PLET1: variants seen among roughly 807,000 people sequenced by gnomAD.
PLET1 encodes the protein placenta expressed transcript 1, also known as placenta-expressed transcript 1 protein.
Under a neutral mutation model 18.5 loss-of-function variants are expected in PLET1, and 20 were observed. The ratio of observed to expected loss-of-function variants is 1.08; its 90% CI spans 0.76 to 1.57. The LOEUF is 1.57. Ranked by LOEUF, PLET1 falls within the 40% of genes most tolerant of loss-of-function variation. PLET1 has a pLI of 0.00. For synonymous variants in PLET1, 93 were observed against 93.8 expected (o/e 0.99, Z 0.05); for missense variants, 256 against 246.4 (o/e 1.04, Z -0.26).
In PLET1 at chr11:112,260,457, GGGTTAT is replaced by G; in HGVS notation, c.127_132del (p.Ile43_Thr44del). The G allele has an allele frequency of 6.4e-7, 1 of 1,551,808 alleles. No homozygotes were observed. The highest frequency in any genetic ancestry group is 8.7e-7 in the Non-Finnish European group (1 of 1,146,992). On this transcript the variant is annotated inframe_deletion, in exon 1 of 4. Coordinates refer to ENST00000338832, the MANE Select transcript of PLET1 (RefSeq NM_001145024.1). ...ATATGTGAACTGGCCTTGATGTCTA[GGGTTAT>G]GGTGTAGTATTCATCAAAGGTGAAG...
At chr11:112,254,638 GGT>G (rs149956623) in intron 2 of PLET1, among the ~76,000 whole-genome samples, 2 of 133,748 alleles carry the variant, frequency 1.5e-5, no homozygotes, top group African/African-American at 3.1e-5. Context: ...GAGTGTGTGT[GGT>G]GTGTGGTGTG....
At chr11:112,251,464 A>G (rs530747348) in intron 3 of PLET1, among the ~76,000 whole-genome samples, 2 of 152,306 alleles carry the variant, frequency 1.3e-5, no homozygotes, top group South Asian at 2.1e-4. Flanking sequence ...CATTCCTGCA[A>G]TCCCAGCTAC....
chr11:112,254,114 T>C (rs1259716342), intron 2 of PLET1, among the ~76,000 whole-genome samples: 1 of 152,076 alleles, frequency 6.6e-6, no homozygotes, highest in African/African-American at 2.4e-5. Context: ...TTTTAAAAAA[T>C]GATTCTCCAG....
chr11:112,252,331 G>A lies in PLET1; in HGVS notation c.448+17C>T, dbSNP rs1860164701. 1 of 1,545,012 alleles carries A rather than the reference G, an allele frequency of 6.5e-7. No individual in the cohort carries two copies. The highest frequency in any genetic ancestry group is 8.8e-7 in the Non-Finnish European group (1 of 1,140,958). On this transcript the variant is annotated intron_variant, in intron 3 of 3. Coordinates refer to ENST00000338832, the MANE Select transcript of PLET1 (RefSeq NM_001145024.1). ...AGTTCATTGCAAGACTTGCAAATGG[G>A]CTGCAAAGGAACTCACGTTTTTCTC... is the stretch of plus-strand genomic sequence containing the variant.
At chr11:112,255,056 ATGTG>A (rs1288418117) in intron 2 of PLET1, among the ~76,000 whole-genome samples, 1 of 54,422 alleles carries the variant, frequency 1.8e-5, no homozygotes, top group South Asian at 7.9e-4. Context: ...TGCGTGTGGT[ATGTG>A]TGTGTGTGTG....
At chr11:112,260,206 G>A in intron 1 of PLET1, 200 bp downstream of exon 1, 1 of 561,356 alleles carries the variant, frequency 1.8e-6, no homozygotes, top group Non-Finnish European at 3.0e-6. Context: ...TGTGGCTTGA[G>A]TTCACAAGGA....
intron 2 of PLET1, among the ~76,000 whole-genome samples, chr11:112,254,604 A>G: frequency 9.4e-6 from 1 of 106,626 alleles, no homozygotes; most frequent in Non-Finnish European, 1.8e-5. Context: ...TGCGTATGGC[A>G]TGTGTGTATG....
chr11:112,252,398 A>G lies in PLET1; in HGVS notation c.398T>C (p.Val133Ala). 1 of 1,551,360 alleles carries G rather than the reference A, an allele frequency of 6.4e-7. No homozygotes were observed. The highest frequency in any genetic ancestry group is 1.2e-5 in the South Asian group (1 of 84,058). ...AAGTATAGGCAGCGCTCTGATCTGG[A>G]CAGTGAAAGCTCTGTGGAGGGCAAA... The part of the protein sequence containing the change: ...ITEVEIQAFT[V>A]QIRALPILST... The change falls in exon 3 of 4, where the codon GTC becomes GCC. Residue 133 changes from valine to alanine, a missense_variant. Val to Ala is a moderately conservative substitution (Grantham distance 64). Coordinates refer to ENST00000338832, the MANE Select transcript of PLET1 (RefSeq NM_001145024.1).
At chr11:112,254,451 GGTGT>G (rs780157283) in intron 2 of PLET1, among the ~76,000 whole-genome samples, 3 of 146,756 alleles carry the variant, frequency 2.0e-5, no homozygotes, top group Non-Finnish European at 3.0e-5. Context: ...ACGTGTGTGT[GGTGT>G]GTGTGGTGTG....
In PLET1 at chr11:112,248,817, G is replaced by A. The variant is rs1319395221; in HGVS notation, c.606C>T (p.Thr202=). 7.1e-6 allele frequency: 11 copies of A among 1,551,476 alleles called. No homozygotes were observed. Among genetic ancestry groups the A allele is most frequent in the Middle Eastern group, 1.7e-4 (1 of 5,990 alleles). Residue 202 remains threonine (T), a synonymous_variant, in exon 4 of 4, where the codon ACC becomes ACT. Coordinates refer to ENST00000338832, the MANE Select transcript of PLET1 (RefSeq NM_001145024.1). ...EAIYILLAFL[T]STLLF ...CTTCCCTTTAGAAGAGAAGTGTGCT[G>A]GTGAGAAAAGCAAGCAGGATATAAA...
At chr11:112,250,220 C>CTTTTTTTTTTTTTTTTT (rs33963716) in intron 3 of PLET1, among the ~76,000 whole-genome samples, 4 of 49,862 alleles carry the variant, frequency 8.0e-5, no homozygotes, top group African/African-American at 1.6e-4. Flanking sequence ...AGAAACAAAC[C>CTTTTTTTTTTTTTTTTT]TTTTTTTTTT....
At position 112,260,462 on chromosome 11, in the gene PLET1, A is replaced by G. The variant is rs368109344; in HGVS notation, c.128T>C (p.Ile43Thr). 9.0e-6 allele frequency: 14 copies of G among 1,551,812 alleles called. No individual in the cohort carries two copies. In the African/African-American group the frequency reaches 1.8e-4, roughly 20 times the overall value. Residue 43 changes from isoleucine to threonine, a missense_variant, in exon 1 of 4, where the codon ATA (isoleucine) becomes ACA (threonine). Coordinates refer to ENST00000338832, the MANE Select transcript of PLET1 (RefSeq NM_001145024.1). ...TGAACTGGCCTTGATGTCTAGGGTTATGGTGTAGTATTCATCAAAGGTGAA... is the reference window on the plus strand; with the variant it reads ...TGAACTGGCCTTGATGTCTAGGGTTGTGGTGTAGTATTCATCAAAGGTGAA... ...TCFTFDEYYTITLDIKASSHI... is the reference protein window; with the variant it reads ...TCFTFDEYYTTTLDIKASSHI...
rs1860121905 is a variant in PLET1, at chr11:112,248,337, T to A, written c.*462A>T. The A allele has an allele frequency of 2.8e-6, 1 of 363,472 alleles. No homozygotes were observed. The highest frequency in any genetic ancestry group is 2.1e-5 in the African/African-American group (1 of 47,894). The allele number at this position is 363,472 out of a possible 1,614,324, so 22.5% of individuals were successfully genotyped here. On this transcript the variant is annotated 3_prime_UTR_variant, in exon 4 of 4. Transcript: ENST00000338832. ...CCTCAGAGCTATTTCTCCTTTCTCC[T>A]TTCTTTCTTGAGTCACATGAGTCAC...
rs570010832 is a variant in PLET1 at position 112,248,479 on chromosome 11, A to G, written c.*320T>C. On this transcript the variant is annotated 3_prime_UTR_variant, in exon 4 of 4. Coordinates refer to ENST00000338832, the MANE Select transcript of PLET1 (RefSeq NM_001145024.1). ...GCAGGGGAATCATTTGGCAGTGAAC[A>G]AAAGTTGAGATTGGCTGTGGAATTG... is the stretch of plus-strand genomic sequence containing the variant. The G allele has an allele frequency of 1.9e-5, 8 of 416,380 alleles. No individual in the cohort carries two copies. The highest frequency in any genetic ancestry group is 1.6e-4 in the African/African-American group (8 of 49,004). 25.8% of individuals were successfully genotyped at this position (416,380 alleles called of 1,614,324 possible).
At chr11:112,260,327 G>A (rs567658144) in intron 1 of PLET1, 79 bp downstream of exon 1, 12 of 1,303,768 alleles carry the variant, frequency 9.2e-6, no homozygotes, top group Middle Eastern at 1.9e-4. Flanking sequence ...TGAGAGTAGC[G>A]ATAGAGGGGT....
intron 3 of PLET1, among the ~76,000 whole-genome samples, chr11:112,249,395 G>A (rs2135415567): frequency 6.6e-6 from 1 of 152,268 alleles, no homozygotes; most frequent in South Asian, 2.1e-4. Context: ...TCAAGGGCTT[G>A]TAAGAACCAG....
chr11:112,258,908 T>G (rs184037538), intron 1 of PLET1, among the ~76,000 whole-genome samples: 3 of 152,222 alleles, frequency 2.0e-5, no homozygotes, highest in South Asian at 4.1e-4. Context: ...GTTCACCTGC[T>G]GAAGTCTGAG....
At chr11:112,252,583 G>A (rs577894911) in intron 2 of PLET1, among the ~76,000 whole-genome samples, 174 bp from the exon 3 acceptor site, 2 of 152,218 alleles carry the variant, frequency 1.3e-5, no homozygotes, top group Non-Finnish European at 2.9e-5. Flanking sequence ...GATCCTCCAC[G>A]ATCTTGGTCA....
At chr11:112,253,535 C>T (rs867922303) in intron 2 of PLET1, among the ~76,000 whole-genome samples, 14 of 152,132 alleles carry the variant, frequency 9.2e-5, no homozygotes, top group Middle Eastern at 6.8e-3. Context: ...GTTTGTCTTG[C>T]GGATGGTCAC....
Sources: gnomAD v4.1 joint callset for allele counts (sites outside exome capture counted in the v4.1 genomes callset) on GRCh38, gnomAD v4.1.1 for gene constraint, MANE v1.5 for transcripts, NCBI Gene and HGNC (gene_info 2026-07-23, HGNC 2026-07-21) for gene names.